PPP1R16B: variants seen among roughly 807,000 people sequenced by gnomAD.
The protein encoded by PPP1R16B is protein phosphatase 1 regulatory subunit 16B, also known as protein phosphatase 1 regulatory inhibitor subunit 16B.
In PPP1R16B, 14 loss-of-function variants were observed where a neutral mutation model predicts 61.7. The ratio of observed to expected loss-of-function variants is 0.23; its 90% CI spans 0.15 to 0.35. PPP1R16B has a LOEUF of 0.35. Ranked by LOEUF, PPP1R16B falls within the 10% of genes least tolerant of loss-of-function variation. The pLI is 1.00. For missense variants in PPP1R16B, 547 were observed against 752.5 expected (o/e 0.73, Z 3.19); for synonymous variants, 266 against 305.3 (o/e 0.87, Z 1.34).
chr20:38,903,038 G>C (rs914417639), intron 6 of PPP1R16B, among the ~76,000 whole-genome samples: 3 of 152,244 alleles, frequency 2.0e-5, no homozygotes, highest in Non-Finnish European at 4.4e-5. Context: ...TACCTGGGAG[G>C]CTGAGGTGGG....
intron 10 of PPP1R16B, among the ~76,000 whole-genome samples, chr20:38,910,423 T>G (rs1247774486): frequency 6.6e-6 from 1 of 152,234 alleles, no homozygotes; most frequent in East Asian, 1.9e-4. Context: ...AACTTTGAGT[T>G]CTAAAGATTA....
intron 2 of PPP1R16B, among the ~76,000 whole-genome samples, chr20:38,867,204 G>A (rs1466240234): frequency 6.6e-6 from 1 of 152,128 alleles, no homozygotes; most frequent in East Asian, 1.9e-4. Flanking sequence ...TGGTTAAAGC[G>A]ATGTCCCCAA....
chr20:38,814,704 C>G (rs2084724344), intron 1 of PPP1R16B, among the ~76,000 whole-genome samples: 1 of 152,092 alleles, frequency 6.6e-6, no homozygotes, highest in Non-Finnish European at 1.5e-5. Context: ...TACTTATGGC[C>G]ATTACTTACC....
At chr20:38,909,105 G>A (rs190960764) in intron 10 of PPP1R16B, among the ~76,000 whole-genome samples, 1 of 152,146 alleles carries the variant, frequency 6.6e-6, no homozygotes, top group East Asian at 1.9e-4. Flanking sequence ...GGGCTTAAGC[G>A]ATCCTCCCAC....
intron 2 of PPP1R16B, chr20:38,872,861 C>T (rs79649066): frequency 0.066 from 10,086 of 152,722 alleles, 484 homozygotes; most frequent in Admixed American, 0.14. Flanking sequence ...CTGTAGTGCG[C>T]TATGCTGATC....
At chr20:38,852,768 T>TGTG (rs2084977923) in intron 2 of PPP1R16B, among the ~76,000 whole-genome samples, 1 of 62,336 alleles carries the variant, frequency 1.6e-5, no homozygotes. Context: ...TTTTTTTTTT[T>TGTG]GCGGGGGGTG....
chr20:38,807,230 C>A (rs2084668421), intron 1 of PPP1R16B, among the ~76,000 whole-genome samples: 1 of 152,198 alleles, frequency 6.6e-6, no homozygotes, highest in African/African-American at 2.4e-5. Context: ...TCCTCCAAGG[C>A]TGGTAATAAA....
At chr20:38,840,542 T>C (rs1001443916) in intron 2 of PPP1R16B, among the ~76,000 whole-genome samples, 3 of 152,130 alleles carry the variant, frequency 2.0e-5, no homozygotes, top group African/African-American at 7.2e-5. Flanking sequence ...TCCACACCTT[T>C]GTATATGCAA....
rs1360122470 is a variant in PPP1R16B, at chr20:38,863,848, C to T, written c.251-25747C>T. Among the ~76,000 whole-genome samples the T allele has an allele frequency of 3.9e-5, 6 of 152,318 alleles. No homozygotes were observed. The East Asian group carries it at 1.2e-3, about 29-fold the overall frequency. ...AGCGCTATTCCTAGATATATTCCCC[C>T]AAGAGAAATGACATAAGTCTACATA... On this transcript the variant is annotated intron_variant, in intron 2 of 10. Coordinates refer to ENST00000299824, the MANE Select transcript of PPP1R16B (RefSeq NM_015568.4).
At chr20:38,861,408 T>A (rs2085049640) in intron 2 of PPP1R16B, among the ~76,000 whole-genome samples, 1 of 152,214 alleles carries the variant, frequency 6.6e-6, no homozygotes, top group African/African-American at 2.4e-5. Flanking sequence ...TCCTTGTCTA[T>A]GAGTTGCCTG....
chr20:38,915,983 G>A lies in PPP1R16B; in HGVS notation c.1195-2174G>A, dbSNP rs577051244. On this transcript the variant is annotated intron_variant, in intron 10 of 10. Transcript: ENST00000299824. ...CTAGGCAACTCACATACACATCAAA[G>A]TTTGAGAAGCACTGACTAGGACCAC... 1.2e-4 allele frequency among the ~76,000 whole-genome samples: 18 copies of A among 150,952 alleles called. No homozygotes were observed. The South Asian group carries it at 3.8e-3, about 32-fold the overall frequency.
At position 38,809,688 on chromosome 20, in the gene PPP1R16B, A is replaced by G. The variant is rs2084685649; in HGVS notation, c.-102+3896A>G. On this transcript the variant is annotated intron_variant, in intron 1 of 10. Transcript: ENST00000299824. ...AGAAGTGAGACACTGTGGATAAAAAACCTAGCTTGGACCAGGTGCGGTGGC... is the reference window on the plus strand; with the variant it reads ...AGAAGTGAGACACTGTGGATAAAAAGCCTAGCTTGGACCAGGTGCGGTGGC... 2.0e-5 allele frequency among the ~76,000 whole-genome samples: 3 copies of G among 152,046 alleles called. No individual in the cohort carries two copies. The South Asian group carries it at 6.2e-4, about 32-fold the overall frequency.
At chr20:38,850,000 C>T (rs1188954982) in intron 2 of PPP1R16B, among the ~76,000 whole-genome samples, 30 of 152,182 alleles carry the variant, frequency 2.0e-4, no homozygotes, top group Admixed American at 2.0e-3. Context: ...GTTAACAAAA[C>T]AGTGTTCACG....
rs542014149 is a variant in PPP1R16B, at chr20:38,881,789, G to A, written c.251-7806G>A. Among the ~76,000 whole-genome samples, 3 of 152,248 alleles carry A rather than the reference G, an allele frequency of 2.0e-5. No individual in the cohort carries two copies. The South Asian group carries it at 6.2e-4, about 32-fold the overall frequency. ...TTCTTGACCTTTCTCTTAGCTTTTTGCCATCCCTGTGGGCTCTCTTCATGA... is the reference window on the plus strand; with the variant it reads ...TTCTTGACCTTTCTCTTAGCTTTTTACCATCCCTGTGGGCTCTCTTCATGA... On this transcript the variant is annotated intron_variant, in intron 2 of 10. Coordinates refer to ENST00000299824, the MANE Select transcript of PPP1R16B (RefSeq NM_015568.4).
intron 2 of PPP1R16B, among the ~76,000 whole-genome samples, chr20:38,862,489 T>G (rs901010295): frequency 6.6e-6 from 1 of 151,880 alleles, no homozygotes; most frequent in Admixed American, 6.6e-5. Context: ...ACCTAAAAAC[T>G]AAAAGGAAGA....
intron 10 of PPP1R16B, among the ~76,000 whole-genome samples, chr20:38,916,441 A>G (rs1043022494): frequency 2.7e-5 from 4 of 149,738 alleles, no homozygotes; most frequent in Non-Finnish European, 5.9e-5. Context: ...TAGATTATAA[A>G]CTAGATTATA....
intron 2 of PPP1R16B, among the ~76,000 whole-genome samples, chr20:38,849,516 G>A (rs1005178600): frequency 6.6e-6 from 1 of 152,000 alleles, no homozygotes; most frequent in Admixed American, 6.6e-5. Flanking sequence ...CACTTTCCTC[G>A]TTCTGGTTGC....
intron 1 of PPP1R16B, among the ~76,000 whole-genome samples, chr20:38,808,776 G>C (rs1018222431): frequency 6.6e-6 from 1 of 152,114 alleles, no homozygotes. Context: ...GCTCACACCT[G>C]TAATCCCAGC....
intron 1 of PPP1R16B, among the ~76,000 whole-genome samples, chr20:38,820,746 A>T (rs1415409293): frequency 1.3e-5 from 2 of 151,234 alleles, no homozygotes; most frequent in African/African-American, 4.9e-5. Flanking sequence ...TTAAAAAAAA[A>T]TTTGAGCCAG....
Sources: allele counts gnomAD v4.1 joint callset (sites outside exome capture counted in the v4.1 genomes callset), GRCh38; gene constraint gnomAD v4.1.1; transcripts MANE v1.5; gene names NCBI Gene and HGNC (gene_info 2026-07-23, HGNC 2026-07-21).